The following PDE7B variants were observed in gnomAD, a reference collection of about 807,000 sequenced individuals.
PDE7B encodes the protein 3',5'-cyclic-AMP phosphodiesterase 7B.
In PDE7B, 29 loss-of-function variants were observed where a neutral mutation model predicts 56.2. The observed-to-expected ratio is 0.52, with a 90% CI of 0.38 to 0.70. The LOEUF is 0.70. PDE7B is among the 30% of genes least tolerant of loss of function. The probability of loss-of-function intolerance (pLI) is 0.00; values close to 1 mark genes in which losing one functional copy is unlikely to be tolerated. For missense variants in PDE7B, 490 were observed against 565.0 expected, an observed-to-expected ratio of 0.87 and a Z score of 1.35; for synonymous variants, 197 against 196.9, an observed-to-expected ratio of 1.00 and a Z score of 0.00.
chr6:135,852,081 A>G, intron 1 of PDE7B, 62 bp downstream of exon 1: 1 of 1,120,460 alleles, frequency 8.9e-7, no homozygotes, highest in South Asian at 1.2e-5. Flanking sequence ...TCACAGAGAG[A>G]TGGCAGGATT....
chr6:135,898,944 T>C (rs1259317385), intron 1 of PDE7B, among the ~76,000 whole-genome samples: 2 of 152,168 alleles, frequency 1.3e-5, no homozygotes, highest in Non-Finnish European at 2.9e-5. Context: ...CACCTTGAAT[T>C]GTAATAATCC....
intron 2 of PDE7B, among the ~76,000 whole-genome samples, chr6:135,978,580 T>C (rs776664020): frequency 1.7e-4 from 26 of 152,134 alleles, no homozygotes; most frequent in Non-Finnish European, 3.2e-4. Flanking sequence ...ATAATACTTT[T>C]TTACTCCTTT....
chr6:136,100,678 T>G (rs1031596369), intron 2 of PDE7B, among the ~76,000 whole-genome samples: 1 of 152,208 alleles, frequency 6.6e-6, no homozygotes, highest in Non-Finnish European at 1.5e-5. Flanking sequence ...GCTGAGACTG[T>G]GGGGTTTTCT....
intron 8 of PDE7B, among the ~76,000 whole-genome samples, chr6:136,161,443 T>G (rs1305171760): frequency 6.6e-6 from 1 of 152,206 alleles, no homozygotes; most frequent in African/African-American, 2.4e-5. Flanking sequence ...GCAGTCTTAC[T>G]AAGAATACAC....
intron 2 of PDE7B, among the ~76,000 whole-genome samples, chr6:135,990,000 G>A (rs961357271): frequency 2.6e-5 from 4 of 152,032 alleles, no homozygotes; most frequent in Non-Finnish European, 5.9e-5. Context: ...CAAATATGTG[G>A]ATAATATGGA....
rs368972942 is a variant in PDE7B, at chr6:136,074,163, G to T, written c.83-34568G>T. ...TAAAAGAATCATTTGAACCCAGGAG[G>T]TGGATGTTGCAGTGAGCCAAGATCG... On this transcript the variant is annotated intron_variant, in intron 2 of 12. Coordinates refer to ENST00000308191, the MANE Select transcript of PDE7B (RefSeq NM_018945.4). Among the ~76,000 whole-genome samples, 82 of 151,804 alleles carry T rather than the reference G, an allele frequency of 5.4e-4. 2 individuals carry two copies. In the South Asian group the frequency reaches 0.016, roughly 29 times the overall value.
chr6:136,024,643 G>C (rs1446158488), intron 2 of PDE7B, among the ~76,000 whole-genome samples: 6 of 152,098 alleles, frequency 3.9e-5, no homozygotes, highest in African/African-American at 9.7e-5. Context: ...TGCCTACTTT[G>C]TGCCTGGCCT....
intron 2 of PDE7B, among the ~76,000 whole-genome samples, chr6:136,024,643 G>T (rs1446158488): frequency 6.6e-6 from 1 of 152,098 alleles, no homozygotes; most frequent in African/African-American, 2.4e-5. Context: ...TGCCTACTTT[G>T]TGCCTGGCCT....
At chr6:135,870,296 T>G (rs1031655625) in intron 1 of PDE7B, among the ~76,000 whole-genome samples, 2 of 152,154 alleles carry the variant, frequency 1.3e-5, no homozygotes, top group Non-Finnish European at 2.9e-5. Flanking sequence ...GGAGCTGGGC[T>G]CCTTGGTGGC....
chr6:136,160,776 G>C (rs1268832193), intron 8 of PDE7B, among the ~76,000 whole-genome samples: 1 of 152,022 alleles, frequency 6.6e-6, no homozygotes, highest in Non-Finnish European at 1.5e-5. Flanking sequence ...CCCCTCCCAG[G>C]CTTCTATGCA....
At chr6:135,969,926 G>T (rs2128202708) in intron 2 of PDE7B, among the ~76,000 whole-genome samples, 1 of 152,282 alleles carries the variant, frequency 6.6e-6, no homozygotes, top group Non-Finnish European at 1.5e-5. Flanking sequence ...GATGAAGATG[G>T]TGTTGAACTA....
At chr6:136,084,415 T>A (rs983207779) in intron 2 of PDE7B, among the ~76,000 whole-genome samples, 1 of 151,910 alleles carries the variant, frequency 6.6e-6, no homozygotes, top group Non-Finnish European at 1.5e-5. Context: ...AGGAATAGAA[T>A]CTCTAGAAAG....
At chr6:136,109,235 G>A (rs1777705877) in intron 3 of PDE7B, among the ~76,000 whole-genome samples, 1 of 152,102 alleles carries the variant, frequency 6.6e-6, no homozygotes. Context: ...ACTTAATTGG[G>A]GGCTGAGGTG....
chr6:135,948,695 A>G (rs1267038552), intron 2 of PDE7B, among the ~76,000 whole-genome samples: 1 of 151,914 alleles, frequency 6.6e-6, no homozygotes, highest in African/African-American at 2.4e-5. Flanking sequence ...CTATATAGTA[A>G]TACATTCATT....
intron 2 of PDE7B, among the ~76,000 whole-genome samples, chr6:135,965,214 A>T (rs1285537649): frequency 6.6e-6 from 1 of 152,212 alleles, no homozygotes; most frequent in Non-Finnish European, 1.5e-5. Flanking sequence ...AAATAAATAA[A>T]GCAGAAGTAT....
At chr6:136,172,452 G>T (rs926848263) in intron 8 of PDE7B, among the ~76,000 whole-genome samples, 1 of 152,188 alleles carries the variant, frequency 6.6e-6, no homozygotes, top group Admixed American at 6.5e-5. Context: ...AGACATGTCT[G>T]TTCATGTCCT....
In PDE7B at chr6:136,015,706, T is replaced by C. The variant is rs182955891; in HGVS notation, c.82+68182T>C. Among the ~76,000 whole-genome samples the C allele has an allele frequency of 2.1e-4, 32 of 152,240 alleles. No individual in the cohort carries two copies. In the East Asian group the frequency reaches 3.5e-3, roughly 17 times the overall value. On this transcript the variant is annotated intron_variant, in intron 2 of 12. Coordinates refer to ENST00000308191, the MANE Select transcript of PDE7B (RefSeq NM_018945.4). ...CAACCAGATAAATATACATTCTTGA[T>C]TCCCGGATTCCTTCCATTCTTGGTG...
intron 2 of PDE7B, among the ~76,000 whole-genome samples, chr6:136,010,941 C>T (rs1012330236): frequency 9.9e-5 from 15 of 152,128 alleles, no homozygotes; most frequent in African/African-American, 2.2e-4. Context: ...GGTTCATTCA[C>T]CTGGGATTAT....
At chr6:136,038,698 G>A (rs1486084130) in intron 2 of PDE7B, among the ~76,000 whole-genome samples, 1 of 152,200 alleles carries the variant, frequency 6.6e-6, no homozygotes, top group African/African-American at 2.4e-5. Context: ...GAAATTAAGA[G>A]TGATTTAGTA....
Sources: allele counts gnomAD v4.1 joint callset (sites outside exome capture counted in the v4.1 genomes callset), GRCh38; gene constraint gnomAD v4.1.1; transcripts MANE v1.5; gene names NCBI Gene and HGNC (gene_info 2026-07-23, HGNC 2026-07-21).